The following CTNNBL1 variants were observed in gnomAD, a reference collection of about 807,000 sequenced individuals.
CTNNBL1 encodes catenin beta like 1.
In CTNNBL1, 31 loss-of-function variants were observed where a neutral mutation model predicts 72.7. The observed-to-expected ratio is 0.43, with a 90% CI of 0.32 to 0.58. The LOEUF (loss-of-function observed/expected upper bound fraction) is 0.58, where lower values mean the gene tolerates loss of function less well. Ranked by LOEUF, CTNNBL1 falls within the 20% of genes least tolerant of loss-of-function variation. CTNNBL1 has a pLI of 0.08. For synonymous variants in CTNNBL1, 240 were observed against 267.3 expected (o/e 0.90, Z 1.00); for missense variants, 534 against 725.1 (o/e 0.74, Z 3.03).
At chr20:37,701,558 T>C (rs1206286391) in intron 1 of CTNNBL1, among the ~76,000 whole-genome samples, 1 of 152,046 alleles carries the variant, frequency 6.6e-6, no homozygotes, top group Non-Finnish European at 1.5e-5. Context: ...GATATATCGA[T>C]GGGGATGGAT....
intron 11 of CTNNBL1, among the ~76,000 whole-genome samples, chr20:37,805,372 C>T (rs55899332): frequency 0.031 from 4,678 of 151,748 alleles, 121 homozygotes; most frequent in Non-Finnish European, 0.046. Context: ...TTTTAGTTGT[C>T]CTTAGTCCTT....
intron 1 of CTNNBL1, among the ~76,000 whole-genome samples, chr20:37,701,966 A>G (rs1057367920): frequency 3.3e-5 from 5 of 152,188 alleles, no homozygotes; most frequent in Non-Finnish European, 5.9e-5. Context: ...GGCGTAATAC[A>G]TCGTACGCAC....
At chr20:37,856,782 A>T (rs2235457) in intron 13 of CTNNBL1, among the ~76,000 whole-genome samples, 2 of 152,004 alleles carry the variant, frequency 1.3e-5, no homozygotes, top group Non-Finnish European at 2.9e-5. Context: ...ATGTGGGCAC[A>T]CTATACTTAC....
chr20:37,864,211 C>T (rs1208896946), intron 15 of CTNNBL1, among the ~76,000 whole-genome samples: 1 of 150,716 alleles, frequency 6.6e-6, no homozygotes, highest in Admixed American at 6.6e-5. Context: ...CCCACCCTTC[C>T]TTCAATCAAA....
intron 11 of CTNNBL1, among the ~76,000 whole-genome samples, chr20:37,808,499 G>C (rs2071980195): frequency 6.6e-6 from 1 of 152,184 alleles, no homozygotes; most frequent in East Asian, 1.9e-4. Context: ...ATATAACAAA[G>C]ACCTAGTATG....
intron 4 of CTNNBL1, 93 bp from the exon 5 acceptor site, chr20:37,757,466 A>C (rs2073375040): frequency 2.5e-6 from 2 of 799,292 alleles, no homozygotes; most frequent in Non-Finnish European, 4.2e-6. Context: ...AGATGGTGAT[A>C]AAGCAATTGA....
intron 1 of CTNNBL1, among the ~76,000 whole-genome samples, chr20:37,697,721 C>G (rs1010497309): frequency 3.9e-5 from 6 of 152,158 alleles, no homozygotes; most frequent in African/African-American, 7.2e-5. Context: ...AACTAGAATC[C>G]TGGTCTCCTT....
chr20:37,791,649 C>G (rs1450246238), intron 10 of CTNNBL1, among the ~76,000 whole-genome samples: 3 of 152,182 alleles, frequency 2.0e-5, no homozygotes, highest in Non-Finnish European at 4.4e-5. Context: ...AGAAGGTGAG[C>G]GGCAGGTGAG....
chr20:37,792,443 G>C (rs2073733164), intron 10 of CTNNBL1, among the ~76,000 whole-genome samples: 1 of 151,942 alleles, frequency 6.6e-6, no homozygotes, highest in African/African-American at 2.4e-5. Flanking sequence ...TAAGTAGCTG[G>C]GACTGTAGGA....
At chr20:37,737,515 C>T (rs566341554) in intron 3 of CTNNBL1, 31 bp downstream of exon 3, 2 of 1,439,870 alleles carry the variant, frequency 1.4e-6, no homozygotes, top group Non-Finnish European at 1.9e-6. Flanking sequence ...TACCATGTCT[C>T]CTCTGTGGCG....
intron 11 of CTNNBL1, among the ~76,000 whole-genome samples, chr20:37,826,981 C>A (rs1326745855): frequency 1.3e-5 from 2 of 152,216 alleles, no homozygotes; most frequent in Non-Finnish European, 2.9e-5. Flanking sequence ...AGCATTCTCT[C>A]ATGCCCCTTC....
intron 2 of CTNNBL1, among the ~76,000 whole-genome samples, chr20:37,733,583 C>T (rs1223117362): frequency 6.6e-6 from 1 of 152,120 alleles, no homozygotes; most frequent in African/African-American, 2.4e-5. Context: ...TCATTCCTGC[C>T]TCTGGACCTT....
intron 4 of CTNNBL1, among the ~76,000 whole-genome samples, chr20:37,749,126 C>T (rs1000540381): frequency 6.6e-6 from 1 of 152,178 alleles, no homozygotes; most frequent in African/African-American, 2.4e-5. Flanking sequence ...ACAGGCACTC[C>T]AGGTCTGTGA....
At chr20:37,694,204 C>G (rs766210056) in intron 1 of CTNNBL1, 52 bp downstream of exon 1, 73 of 1,516,986 alleles carry the variant, frequency 4.8e-5, no homozygotes, top group Non-Finnish European at 6.3e-5. Flanking sequence ...GGGCAGGGGT[C>G]GCAGGAGCCA....
rs749015989 is a variant in CTNNBL1 at position 37,790,239 on chromosome 20, C to G, written c.1031+10904C>G. Among the ~76,000 whole-genome samples, 14 of 152,288 alleles carry G rather than the reference C, an allele frequency of 9.2e-5. No homozygotes were observed. In the South Asian group the frequency reaches 1.7e-3, roughly 18 times the overall value. On this transcript the variant is annotated intron_variant, in intron 10 of 15. Coordinates refer to ENST00000361383, the MANE Select transcript of CTNNBL1 (RefSeq NM_030877.5). ...GCCTGGGGAACTTTGGATTTTTATT[C>G]CCTTGTTCTTTTCCTTACTCTACTT...
At chr20:37,735,707 G>T (rs2073165610) in intron 2 of CTNNBL1, among the ~76,000 whole-genome samples, 1 of 152,166 alleles carries the variant, frequency 6.6e-6, no homozygotes, top group South Asian at 2.1e-4. Context: ...TGCTGAAAAT[G>T]AATTTATGGG....
chr20:37,720,829 G>A (rs1215000456), intron 1 of CTNNBL1, among the ~76,000 whole-genome samples: 5 of 152,228 alleles, frequency 3.3e-5, no homozygotes, highest in Non-Finnish European at 5.9e-5. Context: ...TAGAAGCAAG[G>A]GTCAAATCCT....
At chr20:37,828,628 A>G (rs2072181263) in intron 11 of CTNNBL1, among the ~76,000 whole-genome samples, 2 of 152,250 alleles carry the variant, frequency 1.3e-5, no homozygotes, top group East Asian at 3.8e-4. Context: ...ACAGGCACAT[A>G]GTAGGTTTGC....
chr20:37,711,567 A>G (rs538655717), intron 1 of CTNNBL1, among the ~76,000 whole-genome samples: 2 of 148,760 alleles, frequency 1.3e-5, no homozygotes, highest in South Asian at 4.4e-4. Flanking sequence ...TACCTAAACA[A>G]GCAAACACAT....
Sources: gnomAD v4.1 joint callset for allele counts (sites outside exome capture counted in the v4.1 genomes callset) on GRCh38, gnomAD v4.1.1 for gene constraint, MANE v1.5 for transcripts, NCBI Gene and HGNC (gene_info 2026-07-23, HGNC 2026-07-21) for gene names.